Variants in PADI3 observed in about 807,000 individuals in gnomAD.
The protein encoded by PADI3 is protein-arginine deiminase type-3.
PADI3 carries 53 observed loss-of-function variants against 71.5 expected under a neutral mutation model. The ratio of observed to expected loss-of-function variants is 0.74; its 90% CI spans 0.59 to 0.93. PADI3 has a LOEUF of 0.93. Ranked by LOEUF, PADI3 falls within the 40% of genes least tolerant of loss-of-function variation. The pLI, the probability that PADI3 is intolerant of heterozygous loss-of-function variation, is 0.00. For synonymous variants in PADI3, 361 were observed against 347.5 expected (o/e 1.04, Z -0.43); for missense variants, 821 against 868.0 (o/e 0.95, Z 0.68).
chr1:17,261,035 C>T (rs2073096656), intron 2 of PADI3, among the ~76,000 whole-genome samples: 1 of 152,214 alleles, frequency 6.6e-6, no homozygotes, highest in Non-Finnish European at 1.5e-5. Flanking sequence ...AGGCAAGCAT[C>T]ACTGCTGGTG....
rs747896141 is a variant in PADI3 at position 17,249,178 on chromosome 1, C to T, written c.41C>T (p.Pro14Leu). The T allele has an allele frequency of 5.6e-6, 9 of 1,614,016 alleles. No individual in the cohort carries two copies. The highest frequency in any genetic ancestry group is 5.9e-6 in the Non-Finnish European group (7 of 1,180,020). The change falls in exon 1 of 16, where the codon CCC becomes CTC. Residue 14 changes from proline to leucine, a missense_variant. Pro to Leu is a moderately conservative substitution (Grantham distance 98, BLOSUM62 -3). Transcript: ENST00000375460. ...QRIVRVSLEH[P>L]TSAVCVAGVE... is the part of the protein sequence containing the mutation. ...ATCGTGCGTGTGTCCCTGGAGCATC[C>T]CACCAGCGCGGTGTGTGTGGCTGGC...
intron 10 of PADI3, among the ~76,000 whole-genome samples, chr1:17,273,648 G>A (rs931457292): frequency 1.1e-4 from 16 of 152,128 alleles, no homozygotes; most frequent in African/African-American, 2.9e-4. Context: ...GTGTAAGTAC[G>A]TCCCAAATAT....
intron 9 of PADI3, among the ~76,000 whole-genome samples, chr1:17,271,525 A>G (rs546506132): frequency 1.3e-5 from 2 of 152,288 alleles, no homozygotes; most frequent in South Asian, 2.1e-4. Context: ...ATCTGCAGAC[A>G]GTGCGCAGGA....
Position 17,280,424 on chromosome 1 carries a change from G to A in PADI3, c.1630G>A (p.Val544Met). 6.2e-7 allele frequency: 1 copy of A among 1,613,644 alleles called. No individual in the cohort carries two copies. The highest frequency in any genetic ancestry group is 1.1e-5 in the South Asian group (1 of 91,070). Residue 544 changes from valine (V) to methionine (M), a missense_variant, in exon 14 of 16, where the codon GTG becomes ATG. Transcript: ENST00000375460. ...AGACCTCATCAACTACAATAAGTTT[G>A]TGCAGGTACAAGGGCTGTGGTGTAC... Reference protein sequence around the residue: ...NKDLINYNKFVQSCIDWNREV... With the variant: ...NKDLINYNKFMQSCIDWNREV...
intron 1 of PADI3, among the ~76,000 whole-genome samples, chr1:17,255,360 G>A (rs886301702): frequency 2.6e-5 from 4 of 152,206 alleles, no homozygotes; most frequent in Admixed American, 2.0e-4. Flanking sequence ...TGGCTTGGGG[G>A]GTGTGGGGCT....
Position 17,274,731 on chromosome 1 carries a change from G to A in PADI3, c.1252G>A (p.Ala418Thr). The change falls in exon 11 of 16, where the codon GCC (alanine) becomes ACC (threonine). Residue 418 changes from alanine to threonine, a missense_variant. Ala to Thr is a moderately conservative substitution (Grantham distance 58, BLOSUM62 0). Transcript: ENST00000375460. ...GNLEVSPPVV[A>T]NGKEYPLGRI... ...CCTGGAGGTCAGCCCTCCAGTGGTG[G>A]CCAATGGGAAAGAGTACCCCCTGGG... The A allele has an allele frequency of 6.2e-7, 1 of 1,613,814 alleles. No individual in the cohort carries two copies. Among genetic ancestry groups the A allele is most frequent in the South Asian group, 1.1e-5 (1 of 91,008 alleles).
intron 1 of PADI3, among the ~76,000 whole-genome samples, chr1:17,257,879 G>A (rs2073048010): frequency 6.6e-6 from 1 of 152,222 alleles, no homozygotes; most frequent in Non-Finnish European, 1.5e-5. Context: ...GATCAGATGA[G>A]CTAATGTACA....
At chr1:17,273,566 A>C (rs1280184894) in intron 10 of PADI3, 119 bp downstream of exon 10, 11 of 570,194 alleles carry the variant, frequency 1.9e-5, no homozygotes, top group Non-Finnish European at 3.4e-5. Flanking sequence ...GGATGAGGGT[A>C]GGGTTGCCAG....
intron 15 of PADI3, among the ~76,000 whole-genome samples, chr1:17,282,184 C>T (rs1218356742): frequency 4.6e-5 from 7 of 152,118 alleles, no homozygotes; most frequent in Non-Finnish European, 7.3e-5. Flanking sequence ...TTCTTGTGTT[C>T]GCAAGAGACA....
chr1:17,271,872 G>GAA (rs1189864693), intron 9 of PADI3, among the ~76,000 whole-genome samples: 3 of 142,636 alleles, frequency 2.1e-5, no homozygotes, highest in Non-Finnish European at 4.6e-5. Flanking sequence ...GAGAGAGAGA[G>GAA]AAAAAGAAAT....
chr1:17,280,710 C>T lies in PADI3; in HGVS notation c.1675C>T (p.Leu559=). The T allele has an allele frequency of 6.2e-7, 1 of 1,614,184 alleles. No homozygotes were observed. Among genetic ancestry groups the T allele is most frequent in the East Asian group, 2.2e-5 (1 of 44,878 alleles). ...GAACCGTGAGGTGCTGAAGCGGGAG[C>T]TGGGCCTGGCAGAGTGTGACATCAT... ...DWNREVLKRE[L]GLAECDIIDI... The change falls in exon 15 of 16, where the codon CTG becomes TTG. Residue 559 remains leucine (L), a synonymous_variant. Coordinates refer to ENST00000375460, the MANE Select transcript of PADI3 (RefSeq NM_016233.2).
At chr1:17,261,275 C>T (rs181566675) in intron 2 of PADI3, among the ~76,000 whole-genome samples, 1 of 152,300 alleles carries the variant, frequency 6.6e-6, no homozygotes, top group East Asian at 1.9e-4. Flanking sequence ...CCATCTTCAT[C>T]CTCACCCTGT....
At chr1:17,250,916 C>T (rs2072958675) in intron 1 of PADI3, among the ~76,000 whole-genome samples, 1 of 152,166 alleles carries the variant, frequency 6.6e-6, no homozygotes, top group African/African-American at 2.4e-5. Context: ...CCATAGCTTC[C>T]TGGAGTCACC....
At chr1:17,282,288 C>G (rs899693911) in intron 15 of PADI3, among the ~76,000 whole-genome samples, 1 of 152,144 alleles carries the variant, frequency 6.6e-6, no homozygotes, top group Non-Finnish European at 1.5e-5. Context: ...GCCTGGAACC[C>G]TCTCTGTTTC....
chr1:17,265,499 C>G (rs1451555888), intron 3 of PADI3, among the ~76,000 whole-genome samples, 160 bp from the exon 4 acceptor site: 1 of 152,148 alleles, frequency 6.6e-6, no homozygotes, highest in African/African-American at 2.4e-5. Flanking sequence ...TGCCTCAGGC[C>G]TCTTTCCCCA....
At chr1:17,272,200 G>T (rs988952608) in intron 9 of PADI3, among the ~76,000 whole-genome samples, 1 of 152,214 alleles carries the variant, frequency 6.6e-6, no homozygotes, top group Non-Finnish European at 1.5e-5. Context: ...GTACAGGTTG[G>T]TGGTCCTGGC....
At chr1:17,256,624 G>A (rs2073030984) in intron 1 of PADI3, among the ~76,000 whole-genome samples, 2 of 152,342 alleles carry the variant, frequency 1.3e-5, no homozygotes, top group South Asian at 2.1e-4. Flanking sequence ...CCAGGGGCTG[G>A]AGCCTGGGGA....
intron 1 of PADI3, among the ~76,000 whole-genome samples, chr1:17,256,044 T>C (rs76965625): frequency 0.033 from 5,057 of 152,178 alleles, 281 homozygotes; most frequent in African/African-American, 0.11. Context: ...GAGTCTAAAC[T>C]AGACCTCTTA....
intron 1 of PADI3, among the ~76,000 whole-genome samples, chr1:17,258,642 G>C (rs541860349): frequency 6.6e-6 from 1 of 152,378 alleles, no homozygotes; most frequent in Admixed American, 6.5e-5. Flanking sequence ...GCAACCTCAG[G>C]CTTGTCACGA....
Sources: gnomAD v4.1 joint callset for allele counts (sites outside exome capture counted in the v4.1 genomes callset) on GRCh38, gnomAD v4.1.1 for gene constraint, MANE v1.5 for transcripts, NCBI Gene and HGNC (gene_info 2026-07-23, HGNC 2026-07-21) for gene names.